Variants in GARRE1 observed in about 807,000 individuals in gnomAD.
The protein encoded by GARRE1 is granule associated Rac and RHOG effector protein 1.
Under a neutral mutation model 103.2 loss-of-function variants are expected in GARRE1, and 49 were observed. That is an observed-to-expected ratio of 0.47 (90% CI 0.38 to 0.60). The LOEUF (loss-of-function observed/expected upper bound fraction) is 0.60. Among genes scored for constraint, GARRE1 ranks in the 20% least tolerant of loss-of-function variants. The pLI is 0.00. For synonymous variants in GARRE1, 505 were observed against 532.8 expected, an observed-to-expected ratio of 0.95 and a Z score of 0.72; for missense variants, 1,199 against 1,370.5, an observed-to-expected ratio of 0.87 and a Z score of 1.98.
At chr19:34,262,088 G>A (rs1042899350) in intron 1 of GARRE1, among the ~76,000 whole-genome samples, 1 of 151,792 alleles carries the variant, frequency 6.6e-6, no homozygotes, top group South Asian at 2.1e-4. Flanking sequence ...GGGTTCAAGC[G>A]ATTCTTCTGC....
intron 2 of GARRE1, among the ~76,000 whole-genome samples, chr19:34,303,592 A>G (rs1599764439): frequency 6.6e-6 from 1 of 152,338 alleles, no homozygotes; most frequent in African/African-American, 2.4e-5. Context: ...CATGGACCAC[A>G]TGTGGTCTCT....
intron 3 of GARRE1, among the ~76,000 whole-genome samples, chr19:34,325,433 C>T (rs2074107103): frequency 6.6e-6 from 1 of 152,292 alleles, no homozygotes; most frequent in African/African-American, 2.4e-5. Context: ...CCTCTCTATG[C>T]TAGTGAGTGG....
chr19:34,320,570 C>T (rs1019316492), intron 3 of GARRE1, among the ~76,000 whole-genome samples: 3 of 152,126 alleles, frequency 2.0e-5, no homozygotes, highest in African/African-American at 4.8e-5. Context: ...GTTTGGCAGA[C>T]GGATGGGATG....
chr19:34,343,774 G>T (rs1231357008), intron 10 of GARRE1, among the ~76,000 whole-genome samples: 1 of 152,180 alleles, frequency 6.6e-6, no homozygotes, highest in African/African-American at 2.4e-5. Flanking sequence ...TTGAGCTCAG[G>T]AGGTTGAGGC....
rs751241919 is a variant in GARRE1, at chr19:34,354,677, G to GA, written c.*1734dup. On this transcript the variant is annotated 3_prime_UTR_variant, in exon 14 of 14. Transcript: ENST00000299505. The stretch of plus-strand genomic sequence containing the variant: ...ACAGAGTGAGATTCCGTCTCAACAA[G>GA]AAAAAAAAAAAAGAATATATATATA... The GA allele has an allele frequency of 5.1e-4, 68 of 134,404 alleles. No homozygotes were observed. Among genetic ancestry groups the GA allele is most frequent in the Non-Finnish European group, 5.8e-4 (36 of 61,962 alleles). 8.3% of individuals were successfully genotyped at this position (134,404 alleles called of 1,614,324 possible).
intron 1 of GARRE1, among the ~76,000 whole-genome samples, chr19:34,285,801 C>T (rs763507574): frequency 1.3e-5 from 2 of 151,970 alleles, no homozygotes; most frequent in Non-Finnish European, 2.9e-5. Context: ...CAGCCAGTTC[C>T]ATGACATTTT....
intron 8 of GARRE1, among the ~76,000 whole-genome samples, chr19:34,334,506 C>T (rs1001563014): frequency 6.6e-6 from 1 of 151,904 alleles, no homozygotes; most frequent in Non-Finnish European, 1.5e-5. Context: ...TGAGACCAGC[C>T]TGCCCAATGT....
intron 1 of GARRE1, among the ~76,000 whole-genome samples, chr19:34,284,649 C>T (rs906558797): frequency 2.0e-5 from 3 of 152,160 alleles, no homozygotes; most frequent in Non-Finnish European, 4.4e-5. Context: ...TGACAAATCT[C>T]ACAAGTCTTG....
chr19:34,300,989 T>C (rs1203961845), intron 2 of GARRE1, 21 bp downstream of exon 2: 6 of 1,579,250 alleles, frequency 3.8e-6, no homozygotes, highest in Non-Finnish European at 4.3e-6. Flanking sequence ...TTTTGTGTCA[T>C]ACTTGTGTAG....
At chr19:34,340,635 ATCC>A (rs890615766) in intron 9 of GARRE1, among the ~76,000 whole-genome samples, 7 of 151,958 alleles carry the variant, frequency 4.6e-5, no homozygotes, top group African/African-American at 1.7e-4. Flanking sequence ...GGCTCAAGTC[ATCC>A]TCCTACCTCA....
chr19:34,302,386 C>T (rs770897372), intron 2 of GARRE1, among the ~76,000 whole-genome samples: 2 of 149,376 alleles, frequency 1.3e-5, no homozygotes, highest in South Asian at 2.2e-4. Flanking sequence ...CATCGCCTCC[C>T]AGGTTCAAGC....
At chr19:34,274,208 T>C (rs10407101) in intron 1 of GARRE1, among the ~76,000 whole-genome samples, 117,817 of 151,788 alleles carry the variant, frequency 0.78, 46,288 homozygotes, top group African/African-American at 0.83. Context: ...GAGTTCGAGA[T>C]CAGCCTGACC....
At chr19:34,313,041 A>G (rs989921989) in intron 2 of GARRE1, among the ~76,000 whole-genome samples, 3 of 152,202 alleles carry the variant, frequency 2.0e-5, no homozygotes, top group Middle Eastern at 3.2e-3. Context: ...TGGTAGTGCT[A>G]TTTACTGAGA....
chr19:34,279,812 C>T (rs200928989), intron 1 of GARRE1, among the ~76,000 whole-genome samples: 6 of 151,148 alleles, frequency 4.0e-5, no homozygotes, highest in South Asian at 4.2e-4. Context: ...GGTGAAACCC[C>T]GTCTCTACTA....
chr19:34,280,504 A>T (rs888497350), intron 1 of GARRE1, among the ~76,000 whole-genome samples: 1 of 152,094 alleles, frequency 6.6e-6, no homozygotes, highest in South Asian at 2.1e-4. Flanking sequence ...ATTTTCATCT[A>T]TGGATTGCTT....
chr19:34,345,725 G>A (rs2074207927), intron 10 of GARRE1, among the ~76,000 whole-genome samples: 1 of 152,248 alleles, frequency 6.6e-6, no homozygotes, highest in Non-Finnish European at 1.5e-5. Context: ...GGGAGGCTGA[G>A]GCACGAGAAT....
intron 10 of GARRE1, among the ~76,000 whole-genome samples, chr19:34,346,259 CAT>C (rs2074210321): frequency 1.3e-5 from 2 of 152,228 alleles, no homozygotes; most frequent in African/African-American, 4.8e-5. Context: ...GCTTTCCTGC[CAT>C]ATGTTTTTTT....
Position 34,341,563 on chromosome 19 carries a change from C to T in GARRE1, c.1629C>T (p.Phe543=). ...CATTCTCCAAACTGACATCCCGGTT[C>T]ACCAAGAAAGCTTCATGTACCAGCT... ...QKTFSKLTSR[F]TKKASCTSSS... The change falls in exon 10 of 14, where the codon TTC becomes TTT. Residue 543 remains phenylalanine, a synonymous_variant. Coordinates refer to ENST00000299505, the MANE Select transcript of GARRE1 (RefSeq NM_014686.5). 4.3e-6 allele frequency: 7 copies of T among 1,614,156 alleles called. No individual in the cohort carries two copies. The highest frequency in any genetic ancestry group is 5.9e-6 in the Non-Finnish European group (7 of 1,180,020).
chr19:34,282,465 C>T (rs1173980633), intron 1 of GARRE1, among the ~76,000 whole-genome samples: 1 of 152,156 alleles, frequency 6.6e-6, no homozygotes, highest in Non-Finnish European at 1.5e-5. Flanking sequence ...TTTAAGGATG[C>T]ACTATCTTTC....
Sources: gnomAD v4.1 joint callset for allele counts (sites outside exome capture counted in the v4.1 genomes callset) on GRCh38, gnomAD v4.1.1 for gene constraint, MANE v1.5 for transcripts, NCBI Gene and HGNC (gene_info 2026-07-23, HGNC 2026-07-21) for gene names.